Variants in FOXN3 observed in about 807,000 individuals in gnomAD.
The protein encoded by FOXN3 is forkhead box N3.
In FOXN3, 7 loss-of-function variants were observed where a neutral mutation model predicts 38.4. That is an observed-to-expected ratio of 0.18 (90% CI 0.10 to 0.34). The LOEUF (loss-of-function observed/expected upper bound fraction) is 0.34. FOXN3 is among the 10% of genes least tolerant of loss of function. FOXN3 has a pLI of 1.00. For synonymous variants in FOXN3, 230 were observed against 242.2 expected (o/e 0.95, Z 0.47); for missense variants, 456 against 613.4 (o/e 0.74, Z 2.71).
chr14:89,388,847 G>A (rs1269496842), intron 2 of FOXN3, among the ~76,000 whole-genome samples: 8 of 151,926 alleles, frequency 5.3e-5, no homozygotes, highest in African/African-American at 1.9e-4. Flanking sequence ...GACACCAGGG[G>A]TGGGAGACGA....
chr14:89,380,402 CT>C (rs1438321000), intron 2 of FOXN3, among the ~76,000 whole-genome samples: 1 of 152,234 alleles, frequency 6.6e-6, no homozygotes, highest in African/African-American at 2.4e-5. Context: ...TGAGAATGTA[CT>C]AACACAAAGT....
At chr14:89,344,909 G>C (rs1382403081) in intron 3 of FOXN3, among the ~76,000 whole-genome samples, 3 of 152,182 alleles carry the variant, frequency 2.0e-5, no homozygotes, top group African/African-American at 7.2e-5. Flanking sequence ...GCAACATAAA[G>C]ATTAGAACAG....
At chr14:89,225,261 C>T (rs141094285) in intron 4 of FOXN3, among the ~76,000 whole-genome samples, 1,541 of 151,656 alleles carry the variant, frequency 0.01, 9 homozygotes, top group Non-Finnish European at 0.015. Flanking sequence ...GATGCGATCA[C>T]GTCACTGCAC....
At chr14:89,320,695 C>T (rs778969132) in intron 3 of FOXN3, among the ~76,000 whole-genome samples, 4 of 152,184 alleles carry the variant, frequency 2.6e-5, no homozygotes, top group South Asian at 4.1e-4. Context: ...CACATCAATA[C>T]AAACTTCAGA....
At position 89,283,894 on chromosome 14, in the gene FOXN3, T is replaced by C. The variant is rs191974113; in HGVS notation, c.681-2880A>G. On this transcript the variant is annotated intron_variant, in intron 3 of 5. Transcript: ENST00000557258. ...GGGGGGTTTTTTGACAGAGTCTCGC[T>C]CTGTAGCCCAGGCTGGAGTGCAGTG... 3.3e-3 allele frequency among the ~76,000 whole-genome samples: 507 copies of C among 152,298 alleles called. 4 individuals are homozygous for C. Among genetic ancestry groups the C allele is most frequent in the African/African-American group, 0.011 (477 of 41,558 alleles).
intron 1 of FOXN3, among the ~76,000 whole-genome samples, chr14:89,454,868 C>T (rs1892687035): frequency 6.6e-6 from 1 of 152,180 alleles, no homozygotes; most frequent in African/African-American, 2.4e-5. Flanking sequence ...ATCCCTAACC[C>T]AAGGTCATCC....
At position 89,280,943 on chromosome 14, in the gene FOXN3, G is replaced by C; in HGVS notation, c.745+7C>G. ...AGGGAGAGGAAGGGGTGTTACTAGG[G>C]ACCTACCTTGGAGAAGGGCTCCATT... On this transcript the variant is annotated splice_region_variant and intron_variant, in intron 4 of 5. Coordinates refer to ENST00000557258, the MANE Select transcript of FOXN3 (RefSeq NM_005197.4). 6.2e-7 allele frequency: 1 copy of C among 1,612,832 alleles called. No homozygotes were observed. The highest frequency in any genetic ancestry group is 8.5e-7 in the Non-Finnish European group (1 of 1,179,200).
intron 4 of FOXN3, among the ~76,000 whole-genome samples, chr14:89,217,266 A>C (rs547201909): frequency 6.6e-6 from 1 of 152,080 alleles, no homozygotes; most frequent in African/African-American, 2.4e-5. Context: ...CAGCCTCCCA[A>C]GTAGCTGGGA....
At chr14:89,551,332 G>C (rs1185690519) in intron 1 of FOXN3, among the ~76,000 whole-genome samples, 1 of 152,252 alleles carries the variant, frequency 6.6e-6, no homozygotes, top group South Asian at 2.1e-4. Context: ...TGCACAATCA[G>C]ATCAGTTTTG....
At chr14:89,170,061 G>A (rs4904515) in intron 5 of FOXN3, among the ~76,000 whole-genome samples, 35,915 of 152,084 alleles carry the variant, frequency 0.24, 4,949 homozygotes, top group Middle Eastern at 0.33. Flanking sequence ...TGCTATGCTG[G>A]TATAGCAATA....
At chr14:89,190,546 G>GA (rs921856135) in intron 4 of FOXN3, 4,741 of 825,704 alleles carry the variant, frequency 5.7e-3, no homozygotes, top group South Asian at 9.0e-3. Context: ...ATGCAACAGA[G>GA]AAAAAAAAAA....
At chr14:89,516,042 G>GA (rs36035982) in intron 1 of FOXN3, among the ~76,000 whole-genome samples, 18 of 152,096 alleles carry the variant, frequency 1.2e-4, no homozygotes, top group African/African-American at 3.9e-4. Context: ...GGTGTGGAGG[G>GA]AAAAAAGCAA....
chr14:89,295,219 C>G (rs991887616), intron 3 of FOXN3, among the ~76,000 whole-genome samples: 2 of 152,202 alleles, frequency 1.3e-5, no homozygotes, highest in Non-Finnish European at 2.9e-5. Flanking sequence ...CCTATTCATC[C>G]TTTAATGTTC....
chr14:89,294,106 C>T (rs1346587343), intron 3 of FOXN3, among the ~76,000 whole-genome samples: 1 of 152,122 alleles, frequency 6.6e-6, no homozygotes, highest in Non-Finnish European at 1.5e-5. Context: ...GGCTCCTGCA[C>T]TTTCCTTTCC....
chr14:89,366,496 G>A (rs948373678), intron 2 of FOXN3, among the ~76,000 whole-genome samples: 1 of 152,072 alleles, frequency 6.6e-6, no homozygotes, highest in African/African-American at 2.4e-5. Context: ...TGCCCTCTTC[G>A]TGCCTTTTTT....
chr14:89,401,436 A>G, intron 2 of FOXN3: 1 of 365,056 alleles, frequency 2.7e-6, no homozygotes, highest in Non-Finnish European at 5.4e-6. Context: ...CAACAGCAAC[A>G]ACAACAACAG....
At chr14:89,601,841 C>T (rs1896159955) in intron 1 of FOXN3, among the ~76,000 whole-genome samples, 1 of 152,154 alleles carries the variant, frequency 6.6e-6, no homozygotes, top group Admixed American at 6.5e-5. Context: ...CTACATCCAG[C>T]CCCTCAATAG....
chr14:89,346,293 T>G (rs1305292422), intron 3 of FOXN3, among the ~76,000 whole-genome samples: 1 of 152,200 alleles, frequency 6.6e-6, no homozygotes, highest in Non-Finnish European at 1.5e-5. Context: ...TTAATTCATA[T>G]TTTGCACATT....
At chr14:89,503,091 G>A (rs1489500438) in intron 1 of FOXN3, among the ~76,000 whole-genome samples, 4 of 152,154 alleles carry the variant, frequency 2.6e-5, no homozygotes, top group Non-Finnish European at 5.9e-5. Context: ...TCAAAATTTT[G>A]CTGAGAGGAC....
Sources: gnomAD v4.1 joint callset for allele counts (sites outside exome capture counted in the v4.1 genomes callset) on GRCh38, gnomAD v4.1.1 for gene constraint, MANE v1.5 for transcripts, NCBI Gene and HGNC (gene_info 2026-07-23, HGNC 2026-07-21) for gene names.